The following PSME4 variants were observed in gnomAD, a reference collection of about 807,000 sequenced individuals.
PSME4 encodes the protein proteasome activator subunit 4.
PSME4 carries 89 observed loss-of-function variants against 253.9 expected under a neutral mutation model. The observed-to-expected ratio is 0.35, with a 90% CI of 0.30 to 0.42. PSME4 has a LOEUF of 0.42. PSME4 is among the 10% of genes least tolerant of loss of function. PSME4 has a pLI of 1.00. For synonymous variants in PSME4, 851 were observed against 759.2 expected (o/e 1.12, Z -1.99); for missense variants, 2,014 against 2,195.2 (o/e 0.92, Z 1.65).
chr2:53,899,407 G>A (rs1680289461), intron 29 of PSME4, among the ~76,000 whole-genome samples: 1 of 151,998 alleles, frequency 6.6e-6, no homozygotes, highest in African/African-American at 2.4e-5. Flanking sequence ...AGCTTAAAAA[G>A]GAAAAACAGG....
chr2:53,915,231 G>C (rs1329821313), intron 20 of PSME4, among the ~76,000 whole-genome samples: 1 of 151,878 alleles, frequency 6.6e-6, no homozygotes, highest in Admixed American at 6.6e-5. Flanking sequence ...GCCTGAGCTC[G>C]GGAAATTGAG....
intron 3 of PSME4, among the ~76,000 whole-genome samples, chr2:53,943,884 A>T (rs1669577823): frequency 6.6e-6 from 1 of 151,346 alleles, no homozygotes; most frequent in Non-Finnish European, 1.5e-5. Flanking sequence ...AATAATAAGT[A>T]TAGCATTTTC....
chr2:53,906,733 T>C, intron 25 of PSME4, 40 bp from the exon 26 acceptor site: 2 of 1,594,744 alleles, frequency 1.3e-6, no homozygotes, highest in African/African-American at 2.7e-5. Context: ...AATTTGATTA[T>C]GAAAACAAAA....
At chr2:53,933,620 T>C (rs1415020410) in intron 8 of PSME4, among the ~76,000 whole-genome samples, 1 of 152,178 alleles carries the variant, frequency 6.6e-6, no homozygotes, top group Non-Finnish European at 1.5e-5. Flanking sequence ...GGGCTCAAGC[T>C]ATCCTTCCAT....
At position 53,885,679 on chromosome 2, in the gene PSME4, C is replaced by A; in HGVS notation, c.4815+11G>T. 6.3e-7 allele frequency: 1 copy of A among 1,595,690 alleles called. No individual in the cohort carries two copies. The highest frequency in any genetic ancestry group is 2.2e-5 in the East Asian group (1 of 44,694). On this transcript the variant is annotated intron_variant, in intron 41 of 46. Coordinates refer to ENST00000404125, the MANE Select transcript of PSME4 (RefSeq NM_014614.3). ...AAAGGAGATGCATTCTTAATTTCAGCAAAACCTTACCTTGAAAAACAAAGG... is the reference window on the plus strand; with the variant it reads ...AAAGGAGATGCATTCTTAATTTCAGAAAAACCTTACCTTGAAAAACAAAGG...
chr2:53,962,541 G>A (rs565824963), intron 1 of PSME4, among the ~76,000 whole-genome samples: 31 of 152,178 alleles, frequency 2.0e-4, no homozygotes, highest in Admixed American at 1.6e-3. Flanking sequence ...AACATCAAAC[G>A]GTACATTTCT....
At chr2:53,955,739 C>A (rs1330666340) in intron 1 of PSME4, among the ~76,000 whole-genome samples, 1 of 149,074 alleles carries the variant, frequency 6.7e-6, no homozygotes, top group African/African-American at 2.5e-5. Flanking sequence ...CTGGGCAACA[C>A]TGCGAGACCT....
intron 27 of PSME4, among the ~76,000 whole-genome samples, 180 bp downstream of exon 27, chr2:53,903,845 T>G (rs563064927): frequency 6.8e-6 from 1 of 147,822 alleles, no homozygotes; most frequent in African/African-American, 2.5e-5. Flanking sequence ...CGTGCTGATA[T>G]CTTCAATTTA....
At chr2:53,949,423 C>G in intron 1 of PSME4, 140 bp from the exon 2 acceptor site, 1 of 465,682 alleles carries the variant, frequency 2.1e-6, no homozygotes, top group Non-Finnish European at 3.7e-6. Context: ...GAAAATGTGG[C>G]ATATACAACA....
chr2:53,913,249 C>T (rs1290404243), intron 20 of PSME4, among the ~76,000 whole-genome samples: 2 of 151,904 alleles, frequency 1.3e-5, no homozygotes, highest in East Asian at 3.9e-4. Flanking sequence ...AATATTTGTA[C>T]CACTAAAAAA....
intron 17 of PSME4, among the ~76,000 whole-genome samples, chr2:53,921,823 G>A (rs1242468161): frequency 3.0e-5 from 4 of 132,918 alleles, no homozygotes; most frequent in South Asian, 2.7e-4. Flanking sequence ...AGCCGAGATC[G>A]TGCCACTGCA....
rs1468202948 is a variant in PSME4 at position 53,925,533 on chromosome 2, T to C, written c.1809+6A>G. On this transcript the variant is annotated splice_donor_region_variant and intron_variant, in intron 14 of 46. Transcript: ENST00000404125. ...GGAAGTTTATTTTTTGCAGCAATGT[T>C]CTTACCATAAATATTTCTTTGGAAC... is the stretch of plus-strand genomic sequence containing the variant. 40 of 1,535,050 alleles carry C rather than the reference T, an allele frequency of 2.6e-5. No individual in the cohort carries two copies. The highest frequency in any genetic ancestry group is 3.5e-5 in the Non-Finnish European group (39 of 1,130,190).
At chr2:53,898,042 C>G in intron 30 of PSME4, 43 bp from the exon 31 acceptor site, 1 of 1,569,930 alleles carries the variant, frequency 6.4e-7, no homozygotes, top group African/African-American at 1.4e-5. Context: ...CACATAAAAC[C>G]ACTTGGAAAA....
At chr2:53,949,490 G>C (rs72902984) in intron 1 of PSME4, among the ~76,000 whole-genome samples, 23 of 145,610 alleles carry the variant, frequency 1.6e-4, no homozygotes, top group African/African-American at 5.3e-4. Flanking sequence ...ACTTTTTATT[G>C]GTTTTCTGGA....
intron 27 of PSME4, among the ~76,000 whole-genome samples, 173 bp downstream of exon 27, chr2:53,903,852 T>C (rs1357698497): frequency 7.3e-6 from 1 of 137,292 alleles, no homozygotes; most frequent in African/African-American, 2.7e-5. Flanking sequence ...ATATCTTCAA[T>C]TTACTTTGAA....
At chr2:53,918,050 A>G (rs1668136080) in intron 20 of PSME4, among the ~76,000 whole-genome samples, 3 of 152,232 alleles carry the variant, frequency 2.0e-5, no homozygotes, top group Admixed American at 2.0e-4. Flanking sequence ...AAAATGGGAA[A>G]TGCATGACAC....
Position 53,865,478 on chromosome 2 carries a change from G to A in PSME4, c.*100C>T, listed in dbSNP as rs888406664. On this transcript the variant is annotated 3_prime_UTR_variant, in exon 47 of 47. Coordinates refer to ENST00000404125, the MANE Select transcript of PSME4 (RefSeq NM_014614.3). ...AAACCACCAAAATGATGAGAGCTCA[G>A]CAGAGGCAGTTTTAAAACTTGCAGA... is the stretch of plus-strand genomic sequence containing the variant. 1 of 152,238 alleles carries A rather than the reference G, an allele frequency of 6.6e-6. No homozygotes were observed. The highest frequency in any genetic ancestry group is 2.4e-5 in the African/African-American group (1 of 41,450). The allele number at this position is 152,238 out of a possible 1,614,324, so 9.4% of individuals were successfully genotyped here. A position where few individuals can be genotyped will look rare whatever the true frequency, so the allele number is the denominator to read the frequency against.
chr2:53,908,411 C>G lies in PSME4; in HGVS notation c.2693G>C (p.Gly898Ala), dbSNP rs1667666397. The change falls in exon 24 of 47, where the codon GGA becomes GCA. Residue 898 changes from glycine to alanine, a missense_variant. Gly to Ala is a moderately conservative substitution (Grantham distance 60). Around this residue, in one of 4 missense-constraint regions of PSME4, gnomAD observed 989 missense variants for 1,021.1 expected, o/e 0.97. Coordinates refer to ENST00000404125, the MANE Select transcript of PSME4 (RefSeq NM_014614.3). ...AGATCCTTGGAATTGTAAAAGGTCT[C>G]CAATAATCTGTGTCAAAGAATTTCA... is the stretch of plus-strand genomic sequence containing the variant. ...KSLFLIIKII[G>A]DLLQFQGSHK... 5.6e-6 allele frequency: 9 copies of G among 1,612,850 alleles called. No individual in the cohort carries two copies. The highest frequency in any genetic ancestry group is 7.6e-6 in the Non-Finnish European group (9 of 1,179,438).
chr2:53,970,690 A>C lies in PSME4; in HGVS notation c.95T>G (p.Ile32Ser). The change falls in exon 1 of 47, where the codon ATC becomes AGC. Residue 32 changes from isoleucine (I) to serine (S), a missense_variant. Transcript: ENST00000404125. Reference sequence around the variant, plus strand: ...GTAGGGCAGCAGCTTGTTGTAGACGATCTCCTTCTGCGGGACGAAGCCCCG... The same window carrying C: ...GTAGGGCAGCAGCTTGTTGTAGACGCTCTCCTTCTGCGGGACGAAGCCCCG... Reference protein sequence around the residue: ...GPRGFVPQKEIVYNKLLPYAE... With the variant: ...GPRGFVPQKESVYNKLLPYAE... 1 of 1,549,548 alleles carries C rather than the reference A, an allele frequency of 6.5e-7. No homozygotes were observed. The highest frequency in any genetic ancestry group is 8.7e-7 in the Non-Finnish European group (1 of 1,146,714).
Sources: gnomAD v4.1 joint callset for allele counts (sites outside exome capture counted in the v4.1 genomes callset) on GRCh38, gnomAD v4.1.1 for gene constraint, gnomAD v4.1.1 regional missense constraint, MANE v1.5 for transcripts, NCBI Gene and HGNC (gene_info 2026-07-23, HGNC 2026-07-21) for gene names.